The following IL1RAPL2 variants were observed in gnomAD, a reference collection of about 807,000 sequenced individuals.
The protein encoded by IL1RAPL2 is interleukin 1 receptor accessory protein like 2.
Under a neutral mutation model 44.1 loss-of-function variants are expected in IL1RAPL2, and 3 were observed. That is an observed-to-expected ratio of 0.07 (90% CI 0.03 to 0.18). IL1RAPL2 has a LOEUF of 0.18. Ranked by LOEUF, IL1RAPL2 falls within the 10% of genes least tolerant of loss-of-function variation. The pLI, the probability that IL1RAPL2 is intolerant of heterozygous loss-of-function variation, is 1.00. For synonymous variants in IL1RAPL2, 181 were observed against 178.8 expected (o/e 1.01, Z -0.10); for missense variants, 391 against 496.4 (o/e 0.79, Z 2.02).
At chrX:105,656,210 T>C (rs1318242023) in intron 6 of IL1RAPL2, among the ~76,000 whole-genome samples, 3 of 111,838 alleles carry the variant, frequency 2.7e-5, no homozygotes, top group Non-Finnish European at 5.6e-5. Context: ...AATTGAAATA[T>C]TGGGAGATTG....
At chrX:105,071,170 A>T (rs1322021352) in intron 2 of IL1RAPL2, among the ~76,000 whole-genome samples, 3 of 112,041 alleles carry the variant, frequency 2.7e-5, no homozygotes, top group African/African-American at 9.7e-5. Flanking sequence ...AACTGTTAAA[A>T]TGAAAATGGT....
intron 1 of IL1RAPL2, among the ~76,000 whole-genome samples, chrX:104,571,161 C>G (rs1415805917): frequency 1.8e-5 from 2 of 111,476 alleles, no homozygotes; most frequent in Non-Finnish European, 3.8e-5. Context: ...GATTCTTGAT[C>G]TGGCCTGCTA....
intron 6 of IL1RAPL2, among the ~76,000 whole-genome samples, chrX:105,516,476 C>T (rs1569449706): frequency 9.0e-6 from 1 of 111,711 alleles, no homozygotes; most frequent in Non-Finnish European, 1.9e-5. Flanking sequence ...ATGTCAAACA[C>T]GTGGATGCAA....
At chrX:105,551,086 A>G (rs1201522901) in intron 6 of IL1RAPL2, among the ~76,000 whole-genome samples, 3 of 110,853 alleles carry the variant, frequency 2.7e-5, no homozygotes, top group African/African-American at 3.3e-5. Flanking sequence ...ATAGTGGTAG[A>G]ACAGGTCTAT....
chrX:104,920,176 G>T (rs1029524111), intron 2 of IL1RAPL2, among the ~76,000 whole-genome samples: 2 of 111,230 alleles, frequency 1.8e-5, no homozygotes, highest in African/African-American at 6.5e-5. Flanking sequence ...CTGGTCCCTA[G>T]AAATCAAGCA....
chrX:105,415,563 TG>T (rs2035726972), intron 5 of IL1RAPL2, among the ~76,000 whole-genome samples: 1 of 111,842 alleles, frequency 8.9e-6, no homozygotes, highest in South Asian at 3.7e-4. Flanking sequence ...ATAATTGCAC[TG>T]TACTTTCTTT....
intron 2 of IL1RAPL2, among the ~76,000 whole-genome samples, chrX:104,750,735 A>C (rs1019078919): frequency 3.6e-5 from 4 of 111,078 alleles, no homozygotes; most frequent in Non-Finnish European, 5.7e-5. Context: ...AATCTCTTGA[A>C]CTTCACATGA....
intron 2 of IL1RAPL2, among the ~76,000 whole-genome samples, chrX:104,917,313 C>G (rs1394024957): frequency 8.9e-6 from 1 of 111,971 alleles, no homozygotes; most frequent in Non-Finnish European, 1.9e-5. Context: ...CTCAAAGTCT[C>G]TCACATTCTT....
intron 2 of IL1RAPL2, among the ~76,000 whole-genome samples, chrX:104,856,086 G>A (rs1922358173): frequency 1.8e-5 from 2 of 111,504 alleles, no homozygotes; most frequent in Non-Finnish European, 3.8e-5. Context: ...CATGTAGTAA[G>A]CACTCAGCAT....
At chrX:105,056,034 G>A (rs1417942490) in intron 2 of IL1RAPL2, among the ~76,000 whole-genome samples, 4 of 108,613 alleles carry the variant, frequency 3.7e-5, no homozygotes, top group Non-Finnish European at 7.5e-5. Flanking sequence ...ATTCAGAACA[G>A]AAATTGCAAA....
At chrX:105,194,964 A>C (rs1410363480) in intron 2 of IL1RAPL2, among the ~76,000 whole-genome samples, 2 of 111,107 alleles carry the variant, frequency 1.8e-5, no homozygotes, top group African/African-American at 6.6e-5. Context: ...TAAAATAAGA[A>C]GAAAAGCCTT....
At position 105,486,533 on chromosome X, in the gene IL1RAPL2, C is replaced by T. The variant is rs377476019; in HGVS notation, c.772+2146C>T. 1.3e-3 allele frequency among the ~76,000 whole-genome samples: 145 copies of T among 110,774 alleles called. 1 individual carries two copies. Among genetic ancestry groups the T allele is most frequent in the African/African-American group, 4.4e-3 (135 of 30,452 alleles). ...AGCCAAATCTAGATATGCTGATACC[C>T]TTACTGACTGTATGATACATTTTAC... On this transcript the variant is annotated intron_variant, in intron 6 of 10. Transcript: ENST00000372582.
intron 2 of IL1RAPL2, among the ~76,000 whole-genome samples, chrX:104,676,638 C>T (rs1371255969): frequency 3.6e-5 from 4 of 111,495 alleles, no homozygotes; most frequent in Non-Finnish European, 5.6e-5. Context: ...TGAATCTGAA[C>T]ATTGGCCTGC....
chrX:104,987,912 C>T (rs5963015), intron 2 of IL1RAPL2, among the ~76,000 whole-genome samples: 1 of 110,416 alleles, frequency 9.1e-6, no homozygotes, highest in African/African-American at 3.3e-5. Flanking sequence ...ATTTTGTAGA[C>T]TGTTAGTGGA....
chrX:104,882,272 T>A (rs1923091167), intron 2 of IL1RAPL2, among the ~76,000 whole-genome samples: 2 of 112,278 alleles, frequency 1.8e-5, no homozygotes, highest in African/African-American at 3.2e-5. Flanking sequence ...GGAAGGGGCA[T>A]AAGTTGGTGT....
chrX:105,637,835 AC>A (rs1316036918), intron 6 of IL1RAPL2, among the ~76,000 whole-genome samples: 2 of 110,101 alleles, frequency 1.8e-5, no homozygotes, highest in African/African-American at 6.6e-5. Context: ...TATCTGAGCC[AC>A]TTGGCCCATC....
intron 1 of IL1RAPL2, among the ~76,000 whole-genome samples, chrX:104,580,589 T>A (rs184990438): frequency 1.4e-4 from 16 of 111,610 alleles, no homozygotes; most frequent in Non-Finnish European, 3.0e-4. Context: ...CTGATGGGGG[T>A]TTAACTCTTT....
chrX:104,674,493 T>G (rs1057272562), intron 2 of IL1RAPL2, among the ~76,000 whole-genome samples: 6 of 111,927 alleles, frequency 5.4e-5, no homozygotes, highest in East Asian at 2.8e-4. Flanking sequence ...TCTGGATTCG[T>G]TTTGCCAGTA....
intron 2 of IL1RAPL2, among the ~76,000 whole-genome samples, chrX:105,044,642 G>T (rs778881862): frequency 4.5e-5 from 5 of 111,860 alleles, no homozygotes; most frequent in Admixed American, 1.9e-4. Flanking sequence ...AGGCAGGGAA[G>T]TAGGTTGAGA....
Sources: gnomAD v4.1 joint callset for allele counts (sites outside exome capture counted in the v4.1 genomes callset) on GRCh38, gnomAD v4.1.1 for gene constraint, MANE v1.5 for transcripts, NCBI Gene and HGNC (gene_info 2026-07-23, HGNC 2026-07-21) for gene names.